The following LRRC37B variants were observed in gnomAD, a reference collection of about 807,000 sequenced individuals.
LRRC37B encodes the protein leucine-rich repeat-containing protein 37B.
A neutral mutation model predicts 98.3 loss-of-function variants in LRRC37B; 28 were observed. The ratio of observed to expected loss-of-function variants is 0.28; its 90% CI spans 0.21 to 0.39. The LOEUF (loss-of-function observed/expected upper bound fraction) is 0.39. LRRC37B is among the 10% of genes least tolerant of loss of function. The pLI is 1.00. For synonymous variants in LRRC37B, 364 were observed against 442.7 expected (o/e 0.82, Z 2.23); for missense variants, 938 against 1,182.7 (o/e 0.79, Z 3.03).
chr17:32,009,024 T>C (rs1296240925), intron 1 of LRRC37B, among the ~76,000 whole-genome samples: 1 of 152,216 alleles, frequency 6.6e-6, no homozygotes, highest in Non-Finnish European at 1.5e-5. Context: ...CCAAAGTAGC[T>C]GTACCATTTT....
At chr17:32,039,514 ATATATATATG>A (rs1437097698) in intron 7 of LRRC37B, among the ~76,000 whole-genome samples, 805 of 41,056 alleles carry the variant, frequency 0.02, 70 homozygotes, top group African/African-American at 0.046. Context: ...ATATATATAT[ATATATATATG>A]TATGTATTTT....
At chr17:32,008,426 G>T (rs1196450780) in intron 1 of LRRC37B, among the ~76,000 whole-genome samples, 1 of 151,976 alleles carries the variant, frequency 6.6e-6, no homozygotes, top group Non-Finnish European at 1.5e-5. Flanking sequence ...TGTCTCCACC[G>T]GGCAGGATTG....
At chr17:32,039,475 T>TAA (rs1290296086) in intron 7 of LRRC37B, among the ~76,000 whole-genome samples, 5 of 57,710 alleles carry the variant, frequency 8.7e-5, no homozygotes, top group Admixed American at 2.8e-4. Flanking sequence ...AGAACCTGCC[T>TAA]AAAAATATAT....
intron 7 of LRRC37B, among the ~76,000 whole-genome samples, chr17:32,036,787 T>C (rs1478614726): frequency 1.3e-5 from 2 of 152,162 alleles, no homozygotes; most frequent in African/African-American, 2.4e-5. Context: ...CTAAAAACAC[T>C]CATATACAGG....
At chr17:32,036,668 T>C (rs1277866343) in intron 7 of LRRC37B, among the ~76,000 whole-genome samples, 2 of 152,202 alleles carry the variant, frequency 1.3e-5, no homozygotes, top group African/African-American at 2.4e-5. Context: ...CACTCCTTTT[T>C]ATTGCTCAGT....
At chr17:32,039,508 A>T (rs1298064756) in intron 7 of LRRC37B, among the ~76,000 whole-genome samples, 6 of 43,922 alleles carry the variant, frequency 1.4e-4, no homozygotes, top group South Asian at 7.5e-4. Flanking sequence ...ATATATATAT[A>T]TATATATATA....
intron 1 of LRRC37B, among the ~76,000 whole-genome samples, chr17:32,012,471 C>A (rs1910544989): frequency 6.6e-6 from 1 of 152,178 alleles, no homozygotes; most frequent in South Asian, 2.1e-4. Context: ...AATCCCAGCA[C>A]TTTGGGAGGC....
chr17:32,022,180 C>T, exon 1 of LRRC37B: 4 of 1,613,856 alleles, frequency 2.5e-6, no homozygotes, highest in Non-Finnish European at 3.4e-6. Flanking sequence ...ACAGTCAAAC[C>T]TGCAGATGTG....
intron 1 of LRRC37B, among the ~76,000 whole-genome samples, chr17:32,011,602 A>G (rs1042415380): frequency 1.3e-5 from 2 of 151,972 alleles, no homozygotes; most frequent in African/African-American, 4.8e-5. Context: ...GGTTGAAATG[A>G]TTCTCGTGCC....
exon 1 of LRRC37B, chr17:32,021,477 C>T (rs1910778208): frequency 6.2e-7 from 1 of 1,614,172 alleles, no homozygotes; most frequent in South Asian, 1.1e-5. Flanking sequence ...GCCCCTGGGG[C>T]CAGAGCCGTT....
At chr17:32,047,983 T>G in intron 9 of LRRC37B, 82 bp downstream of exon 12, 1 of 1,609,918 alleles carries the variant, frequency 6.2e-7, no homozygotes, top group Admixed American at 1.7e-5. Flanking sequence ...CTGGGAAATC[T>G]AGGTGCAGAA....
chr17:32,019,073 C>T (rs1164890989), upstream of LRRC37B, among the ~76,000 whole-genome samples: 3 of 152,034 alleles, frequency 2.0e-5, no homozygotes, highest in African/African-American at 7.3e-5. Flanking sequence ...ATTATAGGCA[C>T]GCACCACCAT....
exon 1 of LRRC37B, chr17:32,022,049 G>T (rs1910809306): frequency 6.2e-7 from 1 of 1,613,856 alleles, no homozygotes; most frequent in Non-Finnish European, 8.5e-7. Context: ...CAACCCAGCA[G>T]GAGGCCCCAG....
chr17:32,041,925 G>A (rs1470528521), intron 7 of LRRC37B: 1 of 430,544 alleles, frequency 2.3e-6, no homozygotes, highest in East Asian at 6.7e-5. Flanking sequence ...CTACCCTCGA[G>A]TTCCACGGCC....
At chr17:32,045,847 G>T (rs1320949988) in intron 8 of LRRC37B, 29 bp downstream of exon 11, 1 of 1,585,534 alleles carries the variant, frequency 6.3e-7, no homozygotes, top group East Asian at 2.2e-5. Context: ...GTGATAAATT[G>T]TTACATTATT....
intron 5 of LRRC37B, among the ~76,000 whole-genome samples, chr17:32,032,641 AG>A (rs1301503262): frequency 6.6e-6 from 1 of 152,172 alleles, no homozygotes; most frequent in East Asian, 1.9e-4. Context: ...GGAGGTGTTC[AG>A]GATGTGTCTG....
intron 7 of LRRC37B, among the ~76,000 whole-genome samples, chr17:32,037,675 T>A (rs1290908568): frequency 1.3e-5 from 2 of 152,256 alleles, no homozygotes; most frequent in Non-Finnish European, 2.9e-5. Flanking sequence ...TAATAGCTAG[T>A]GATGTTGAAT....
At chr17:32,043,665 A>G (rs1217446157) in intron 7 of LRRC37B, among the ~76,000 whole-genome samples, 1 of 152,196 alleles carries the variant, frequency 6.6e-6, no homozygotes, top group Non-Finnish European at 1.5e-5. Context: ...AGAGGCTTCT[A>G]TTGGACCCAA....
chr17:32,007,669 C>T (rs939173242), upstream of LRRC37B, among the ~76,000 whole-genome samples: 10 of 151,326 alleles, frequency 6.6e-5, no homozygotes, highest in South Asian at 4.1e-4. The surrounding 1 kb of genome is among the most constrained non-coding windows in gnomAD (Gnocchi z 4.1). Context: ...AGCGCTGCGC[C>T]CCGGCCCCGC....
Sources: gnomAD v4.1 joint callset for allele counts (sites outside exome capture counted in the v4.1 genomes callset) on GRCh38, gnomAD v4.1.1 for gene constraint, Gnocchi (gnomAD v3.1) non-coding constraint, MANE v1.5 for transcripts, NCBI Gene and HGNC (gene_info 2026-07-23, HGNC 2026-07-21) for gene names.